ELF2: variants seen among roughly 807,000 people sequenced by gnomAD.
ELF2 encodes ETS-related transcription factor Elf-2.
ELF2 carries 11 observed loss-of-function variants against 54.8 expected under a neutral mutation model. The observed-to-expected ratio is 0.20, with a 90% CI of 0.13 to 0.33. ELF2 has a LOEUF of 0.33. ELF2 is among the 10% of genes least tolerant of loss of function. ELF2 has a pLI of 1.00. For synonymous variants in ELF2, 203 were observed against 245.1 expected (o/e 0.83, Z 1.61); for missense variants, 513 against 703.0 (o/e 0.73, Z 3.06).
chr4:139,101,332 G>C (rs1437226748), intron 4 of ELF2, among the ~76,000 whole-genome samples: 1 of 152,090 alleles, frequency 6.6e-6, no homozygotes, highest in Admixed American at 6.6e-5. Flanking sequence ...GGTCATCTCA[G>C]GTAACCCCAC....
At chr4:139,079,182 G>A (rs1442815457) in intron 4 of ELF2, among the ~76,000 whole-genome samples, 3 of 151,892 alleles carry the variant, frequency 2.0e-5, no homozygotes, top group Non-Finnish European at 4.4e-5. Context: ...CTCCTGCCTT[G>A]GCCTCCCAAA....
intron 1 of ELF2, among the ~76,000 whole-genome samples, chr4:139,168,331 G>A (rs1741927292): frequency 6.6e-6 from 1 of 152,064 alleles, no homozygotes; most frequent in Non-Finnish European, 1.5e-5. Context: ...ATGTAAACTG[G>A]TATTATATTA....
chr4:139,125,417 G>T, intron 3 of ELF2, 88 bp from the exon 4 acceptor site: 1 of 1,472,314 alleles, frequency 6.8e-7, no homozygotes, highest in Non-Finnish European at 9.1e-7. Flanking sequence ...ACAGTCTCGA[G>T]CAGTCCACAT....
chr4:139,086,565 C>G (rs1349983886), intron 4 of ELF2, among the ~76,000 whole-genome samples: 1 of 152,212 alleles, frequency 6.6e-6, no homozygotes, highest in Non-Finnish European at 1.5e-5. Flanking sequence ...TTCGAACCGT[C>G]ATAAACTAAT....
At chr4:139,139,251 T>TA (rs1216900460) in intron 2 of ELF2, among the ~76,000 whole-genome samples, 162 bp downstream of exon 2, 1 of 152,140 alleles carries the variant, frequency 6.6e-6, no homozygotes, top group Non-Finnish European at 1.5e-5. Context: ...TACTGATCAG[T>TA]ACTATTAGCC....
intron 4 of ELF2, among the ~76,000 whole-genome samples, chr4:139,112,331 C>A (rs1471760196): frequency 6.6e-6 from 1 of 152,208 alleles, no homozygotes; most frequent in African/African-American, 2.4e-5. Context: ...TTAATCCTAT[C>A]ATAATTCTCA....
At chr4:139,106,670 TTAATA>T (rs1734440777) in intron 4 of ELF2, among the ~76,000 whole-genome samples, 1 of 151,980 alleles carries the variant, frequency 6.6e-6, no homozygotes, top group Non-Finnish European at 1.5e-5. Context: ...ATCTCATTAT[TTAATA>T]TATTAATACA....
At chr4:139,150,034 A>T (rs1331718540) in intron 1 of ELF2, among the ~76,000 whole-genome samples, 1 of 152,058 alleles carries the variant, frequency 6.6e-6, no homozygotes, top group Admixed American at 6.6e-5. Flanking sequence ...ATCTCTATAA[A>T]AAATATAAAA....
At chr4:139,094,383 T>C (rs1003897890) in intron 4 of ELF2, among the ~76,000 whole-genome samples, 1 of 152,090 alleles carries the variant, frequency 6.6e-6, no homozygotes, top group Non-Finnish European at 1.5e-5. Context: ...AGGGAAACAA[T>C]AACTGGTTCT....
intron 1 of ELF2, among the ~76,000 whole-genome samples, chr4:139,140,982 T>G (rs931657992): frequency 3.9e-5 from 6 of 152,144 alleles, no homozygotes; most frequent in African/African-American, 1.4e-4. Flanking sequence ...ATCCAATGGA[T>G]ACATTTCTGT....
chr4:139,175,345 C>G (rs10222890), intron 1 of ELF2, among the ~76,000 whole-genome samples: 62,815 of 152,026 alleles, frequency 0.41, 13,493 homozygotes, highest in Middle Eastern at 0.52. Flanking sequence ...TGAGTTAAAT[C>G]ACTAAACTTA....
intron 1 of ELF2, among the ~76,000 whole-genome samples, chr4:139,159,590 G>C (rs1431241937): frequency 1.3e-5 from 2 of 152,246 alleles, no homozygotes; most frequent in East Asian, 3.9e-4. Context: ...CTGAGCCATG[G>C]GATCTGATGC....
At chr4:139,175,331 C>A (rs1292529604) in intron 1 of ELF2, among the ~76,000 whole-genome samples, 2 of 152,160 alleles carry the variant, frequency 1.3e-5, no homozygotes, top group Non-Finnish European at 2.9e-5. Context: ...AATGATAAAT[C>A]CAATGAGTTA....
chr4:139,162,029 GGTTGCAGTGA>G (rs984232316), intron 1 of ELF2, among the ~76,000 whole-genome samples: 4 of 152,146 alleles, frequency 2.6e-5, no homozygotes, highest in Non-Finnish European at 5.9e-5. Context: ...GGGAGGCGGA[GGTTGCAGTGA>G]GCTGAGATTG....
intron 5 of ELF2, among the ~76,000 whole-genome samples, chr4:139,072,894 A>C (rs1350145618): frequency 6.6e-6 from 1 of 152,234 alleles, no homozygotes; most frequent in Non-Finnish European, 1.5e-5. Context: ...TTTTGTATCA[A>C]GTCAAATTAA....
intron 3 of ELF2, among the ~76,000 whole-genome samples, chr4:139,135,387 T>C (rs900687790): frequency 2.0e-5 from 3 of 151,950 alleles, no homozygotes; most frequent in Non-Finnish European, 4.4e-5. Flanking sequence ...ATGTTTCCAG[T>C]ATTAGTGGCT....
At chr4:139,082,434 TCAAA>T (rs1731247647) in intron 4 of ELF2, among the ~76,000 whole-genome samples, 1 of 152,258 alleles carries the variant, frequency 6.6e-6, no homozygotes, top group Non-Finnish European at 1.5e-5. Flanking sequence ...AAAGCAACTG[TCAAA>T]CAGATGTGTT....
rs1174310299 is a variant in ELF2 at position 139,127,964 on chromosome 4, C to CAA, written c.73-2637_73-2636dup. On this transcript the variant is annotated intron_variant, in intron 3 of 9. Transcript: ENST00000686138. The stretch of plus-strand genomic sequence containing the variant: ...TGGCTGACAGAATGAGACTCGGTCT[C>CAA]AAAAAAAAAAAAAAAAAAATTCAGA... 5.0e-3 allele frequency among the ~76,000 whole-genome samples: 383 copies of CAA among 76,798 alleles called. 4 individuals are homozygous for CAA. The highest frequency in any genetic ancestry group is 0.015 in the African/African-American group (354 of 23,180). The allele number at this position is 76,798 out of a possible 152,430, so 50.4% of individuals were successfully genotyped here.
At chr4:139,162,708 AC>A (rs1053400186) in intron 1 of ELF2, among the ~76,000 whole-genome samples, 3 of 152,214 alleles carry the variant, frequency 2.0e-5, no homozygotes, top group African/African-American at 7.2e-5. Context: ...GAACATAAAT[AC>A]ATTTGTTCTT....
Sources: gnomAD v4.1 joint callset for allele counts (sites outside exome capture counted in the v4.1 genomes callset) on GRCh38, gnomAD v4.1.1 for gene constraint, MANE v1.5 for transcripts, NCBI Gene and HGNC (gene_info 2026-07-23, HGNC 2026-07-21) for gene names.